Variants in RANBP2 observed in about 807,000 individuals in gnomAD.
RANBP2 encodes E3 SUMO-protein ligase RanBP2.
Under a neutral mutation model 303.6 loss-of-function variants are expected in RANBP2, and 57 were observed. That is an observed-to-expected ratio of 0.19 (90% CI 0.15 to 0.23). The LOEUF (loss-of-function observed/expected upper bound fraction) is 0.23. Ranked by LOEUF, RANBP2 falls within the 10% of genes least tolerant of loss-of-function variation. RANBP2 has a pLI of 1.00. For missense variants in RANBP2, 3,138 were observed against 3,780.8 expected (o/e 0.83, Z 4.46); for synonymous variants, 1,167 against 1,301.5 (o/e 0.90, Z 2.23).
chr2:108,758,154 A>G (rs933372884), intron 17 of RANBP2, among the ~76,000 whole-genome samples: 3 of 152,094 alleles, frequency 2.0e-5, no homozygotes, highest in Non-Finnish European at 1.5e-5. Flanking sequence ...AAAATTAGCC[A>G]GGCGTGCTGG....
At chr2:109,183,621 A>G in the RANBP2 span, among the ~76,000 whole-genome samples, 1 of 152,054 alleles carries the variant, frequency 6.6e-6, no homozygotes, top group African/African-American at 2.4e-5. Context: ...TGAGAAATTA[A>G]CTTCTTTTAT....
the RANBP2 span, among the ~76,000 whole-genome samples, chr2:108,926,301 C>T: frequency 1.3e-5 from 2 of 152,138 alleles, no homozygotes; most frequent in Admixed American, 6.5e-5. Context: ...TTCTCCCTAG[C>T]CCCCCAACCC....
the RANBP2 span, among the ~76,000 whole-genome samples, chr2:109,523,057 CTT>C: frequency 6.6e-6 from 1 of 152,122 alleles, no homozygotes; most frequent in Non-Finnish European, 1.5e-5. Flanking sequence ...CCCTCGGAGT[CTT>C]TGCTTGCTCC....
chr2:109,430,390 C>G, the RANBP2 span, among the ~76,000 whole-genome samples: 1 of 152,200 alleles, frequency 6.6e-6, no homozygotes, highest in Non-Finnish European at 1.5e-5. Context: ...CCTCCCTGCA[C>G]TCTTCCTCTC....
the RANBP2 span, among the ~76,000 whole-genome samples, chr2:109,307,378 T>C: frequency 2.0e-5 from 3 of 152,156 alleles, no homozygotes; most frequent in Non-Finnish European, 4.4e-5. Flanking sequence ...AGCAGAACGC[T>C]GCATCCATGC....
At chr2:109,344,859 C>T in the RANBP2 span, among the ~76,000 whole-genome samples, 1 of 152,144 alleles carries the variant, frequency 6.6e-6, no homozygotes, top group Non-Finnish European at 1.5e-5. Flanking sequence ...TGCAGATGTC[C>T]AGCAGAGCCG....
chr2:109,344,069 C>G, the RANBP2 span, among the ~76,000 whole-genome samples: 1 of 152,126 alleles, frequency 6.6e-6, no homozygotes, highest in Non-Finnish European at 1.5e-5. Flanking sequence ...GTAACTTTCC[C>G]CCCTGTATCC....
At chr2:109,677,151 C>A in the RANBP2 span, among the ~76,000 whole-genome samples, 1 of 152,126 alleles carries the variant, frequency 6.6e-6, no homozygotes, top group Non-Finnish European at 1.5e-5. Context: ...CTTGGCATCA[C>A]CTCCTCTGGG....
At chr2:108,905,936 T>C in the RANBP2 span, among the ~76,000 whole-genome samples, 1 of 152,046 alleles carries the variant, frequency 6.6e-6, no homozygotes, top group Non-Finnish European at 1.5e-5. Context: ...AAGTCTAGGA[T>C]AAATGACTGA....
At chr2:109,650,292 G>A in the RANBP2 span, among the ~76,000 whole-genome samples, 1 of 152,186 alleles carries the variant, frequency 6.6e-6, no homozygotes, top group Non-Finnish European at 1.5e-5. Flanking sequence ...CAACGGGAAG[G>A]TAAGGCATCC....
the RANBP2 span, among the ~76,000 whole-genome samples, chr2:109,352,243 C>T: frequency 1.8e-4 from 28 of 152,206 alleles, no homozygotes; most frequent in Non-Finnish European, 3.7e-4. Context: ...GTTGCACTTC[C>T]GTCAGATGGT....
chr2:109,486,739 G>T, the RANBP2 span, among the ~76,000 whole-genome samples: 1 of 152,032 alleles, frequency 6.6e-6, no homozygotes, highest in Non-Finnish European at 1.5e-5. Flanking sequence ...AGGGGAGGGG[G>T]AAGCTGGGCA....
chr2:108,912,516 T>A, the RANBP2 span, among the ~76,000 whole-genome samples: 1 of 152,124 alleles, frequency 6.6e-6, no homozygotes, highest in Non-Finnish European at 1.5e-5. Flanking sequence ...TATAATGACT[T>A]CCTGCACGGG....
At chr2:109,777,414 G>A in the RANBP2 span, among the ~76,000 whole-genome samples, 3 of 141,148 alleles carry the variant, frequency 2.1e-5, no homozygotes, top group Non-Finnish European at 4.6e-5. Context: ...AACCAACCTT[G>A]CATTCCTGGA....
At chr2:109,731,070 G>A in the RANBP2 span, among the ~76,000 whole-genome samples, 1 of 152,044 alleles carries the variant, frequency 6.6e-6, no homozygotes, top group African/African-American at 2.4e-5. Flanking sequence ...TTACAGGTGT[G>A]AGCCACCGCG....
the RANBP2 span, among the ~76,000 whole-genome samples, chr2:108,794,938 G>A: frequency 7.2e-5 from 11 of 152,068 alleles, no homozygotes; most frequent in African/African-American, 2.7e-4. Flanking sequence ...ATTTGTAGGT[G>A]TGTGTTTCAG....
At chr2:108,827,958 GGTA>G in the RANBP2 span, among the ~76,000 whole-genome samples, 1 of 152,116 alleles carries the variant, frequency 6.6e-6, no homozygotes, top group East Asian at 1.9e-4. Context: ...AGAACATTGT[GGTA>G]GTAGTATAGG....
the RANBP2 span, among the ~76,000 whole-genome samples, chr2:109,236,876 C>G: frequency 7.4e-3 from 1,124 of 152,248 alleles, 9 homozygotes; most frequent in South Asian, 0.024. Context: ...GCTGCAGTGA[C>G]CTGTACTTAC....
chr2:109,584,139 G>A, the RANBP2 span, among the ~76,000 whole-genome samples: 4 of 152,094 alleles, frequency 2.6e-5, no homozygotes, highest in East Asian at 1.9e-4. Flanking sequence ...AAATCTAAAC[G>A]AAAAATTGAA....
Sources: gnomAD v4.1 joint callset for allele counts (sites outside exome capture counted in the v4.1 genomes callset) on GRCh38, gnomAD v4.1.1 for gene constraint, MANE v1.5 for transcripts, NCBI Gene and HGNC (gene_info 2026-07-23, HGNC 2026-07-21) for gene names.